The following ABHD17C variants were observed in gnomAD, a reference collection of about 807,000 sequenced individuals.
The protein encoded by ABHD17C is abhydrolase domain containing 17C, depalmitoylase, also known as alpha/beta hydrolase domain-containing protein 17C.
A neutral mutation model predicts 27.9 loss-of-function variants in ABHD17C; 11 were observed. The ratio of observed to expected loss-of-function variants is 0.39; its 90% CI spans 0.25 to 0.65. The LOEUF is 0.65. Ranked by LOEUF, ABHD17C falls within the 30% of genes least tolerant of loss-of-function variation. The pLI is 0.45. For synonymous variants in ABHD17C, 233 were observed against 209.1 expected (o/e 1.11, Z -0.98); for missense variants, 280 against 470.2 (o/e 0.60, Z 3.74).
rs148826057 is a variant in ABHD17C, at chr15:80,739,174, C to T, written c.591-10339C>T. On this transcript the variant is annotated intron_variant, in intron 1 of 2. Transcript: ENST00000258884. ...TCAACAGCAGATATTTATTAAGCAC[C>T]TTTTGCTGATGCAGAAAATACTTTG... 4.6e-3 allele frequency among the ~76,000 whole-genome samples: 698 copies of T among 152,254 alleles called. 3 individuals are homozygous for T. The highest frequency in any genetic ancestry group is 6.4e-3 in the Non-Finnish European group (434 of 68,014).
intron 1 of ABHD17C, among the ~76,000 whole-genome samples, chr15:80,722,752 T>C (rs560271473): frequency 7.0e-4 from 107 of 152,342 alleles, no homozygotes; most frequent in Non-Finnish European, 1.4e-3. Flanking sequence ...GCAACCACCA[T>C]TCTACTCTGT....
chr15:80,735,185 T>C (rs192486544), intron 1 of ABHD17C, among the ~76,000 whole-genome samples: 1 of 152,346 alleles, frequency 6.6e-6, no homozygotes, highest in Non-Finnish European at 1.5e-5. Flanking sequence ...TTTTTCTTTG[T>C]AATTAACCCT....
At chr15:80,721,746 C>T (rs566614602) in intron 1 of ABHD17C, among the ~76,000 whole-genome samples, 50 of 152,248 alleles carry the variant, frequency 3.3e-4, no homozygotes, top group Middle Eastern at 6.8e-3. Flanking sequence ...GTATTCCTTG[C>T]CAGGCCTCTC....
chr15:80,749,121 A>G (rs1317768153), intron 1 of ABHD17C, among the ~76,000 whole-genome samples: 1 of 152,174 alleles, frequency 6.6e-6, no homozygotes, highest in Non-Finnish European at 1.5e-5. Context: ...GCAATTTGCC[A>G]AACTTGCTTT....
intron 1 of ABHD17C, among the ~76,000 whole-genome samples, chr15:80,731,092 G>A (rs1049295298): frequency 6.6e-5 from 10 of 152,196 alleles, no homozygotes; most frequent in Admixed American, 6.5e-5. Context: ...TACAGTCCCC[G>A]TCGTCTGTGT....
Position 80,749,520 on chromosome 15 carries a change from G to A in ABHD17C, c.598G>A (p.Val200Met), listed in dbSNP as rs374695794. 1.8e-5 allele frequency: 29 copies of A among 1,613,532 alleles called. No individual in the cohort carries two copies. The highest frequency in any genetic ancestry group is 2.3e-5 in the Non-Finnish European group (27 of 1,179,734). Reference protein sequence around the residue: ...AWQALRTRYGVSPENIILYGQ... With the variant: ...AWQALRTRYGMSPENIILYGQ... ...AACCTCTGATTTCTCCAGGTATGGC[G>A]TGAGTCCCGAGAACATTATCCTCTA... is the stretch of plus-strand genomic sequence containing the variant. Residue 200 changes from valine to methionine, a missense_variant, in exon 2 of 3, where the codon GTG becomes ATG. Val to Met is a conservative substitution (Grantham distance 21). Coordinates refer to ENST00000258884, the MANE Select transcript of ABHD17C (RefSeq NM_021214.2).
intron 1 of ABHD17C, among the ~76,000 whole-genome samples, chr15:80,696,341 G>A (rs1173239628): frequency 2.6e-5 from 4 of 152,218 alleles, no homozygotes; most frequent in African/African-American, 9.6e-5. Flanking sequence ...CAGAGTGTGG[G>A]TGCTTAAGTA....
chr15:80,736,213 T>G (rs11638968), intron 1 of ABHD17C, among the ~76,000 whole-genome samples: 15,671 of 152,314 alleles, frequency 0.1, 1,524 homozygotes, highest in East Asian at 0.57. Context: ...TAGAAGTCTG[T>G]TTGTGAAATT....
At chr15:80,749,394 T>C (rs1217089031) in intron 1 of ABHD17C, 119 bp from the exon 2 acceptor site, 1 of 1,000,698 alleles carries the variant, frequency 1.0e-6, no homozygotes, top group African/African-American at 1.6e-5. Flanking sequence ...ACAAGTTAGA[T>C]GATATGGTTT....
intron 1 of ABHD17C, among the ~76,000 whole-genome samples, chr15:80,729,931 A>G (rs1895035008): frequency 6.7e-6 from 1 of 149,942 alleles, no homozygotes; most frequent in Admixed American, 6.6e-5. Flanking sequence ...GGGGGCCAAC[A>G]TGGTGAAACT....
intron 1 of ABHD17C, among the ~76,000 whole-genome samples, chr15:80,723,132 G>A (rs1287164473): frequency 9.7e-6 from 1 of 103,104 alleles, no homozygotes; most frequent in Non-Finnish European, 2.0e-5. Context: ...TTGTGTGTGT[G>A]TATATATGTG....
At chr15:80,705,284 A>G (rs1374569939) in intron 1 of ABHD17C, among the ~76,000 whole-genome samples, 2 of 148,154 alleles carry the variant, frequency 1.3e-5, no homozygotes, top group African/African-American at 2.5e-5. Flanking sequence ...GGTTGTCTCA[A>G]GGGTAACCTG....
At chr15:80,749,375 C>A in intron 1 of ABHD17C, 138 bp from the exon 2 acceptor site, 1 of 818,506 alleles carries the variant, frequency 1.2e-6, no homozygotes, top group Non-Finnish European at 1.8e-6. Context: ...TCATCTTAAA[C>A]TAAAGTGTAC....
chr15:80,718,342 TA>T (rs1260912811), intron 1 of ABHD17C, among the ~76,000 whole-genome samples: 2 of 152,142 alleles, frequency 1.3e-5, no homozygotes, highest in East Asian at 3.8e-4. Context: ...TTTATTTATT[TA>T]TTTTTTTGAA....
At position 80,695,837 on chromosome 15, in the gene ABHD17C, C is replaced by T. The variant is rs1596055874; in HGVS notation, c.408C>T (p.Leu136=). 1.9e-6 allele frequency: 3 copies of T among 1,589,618 alleles called. No homozygotes were observed. Among genetic ancestry groups the T allele is most frequent in the East Asian group, 2.3e-5 (1 of 44,416 alleles). The part of the protein sequence containing the change: ...RCAPSSRYTL[L]FSHGNAVDLG... Reference sequence around the variant, plus strand: ...CGCCCTCCAGCCGCTACACGCTGCTCTTCTCGCACGGCAACGCCGTGGACC... The same window carrying T: ...CGCCCTCCAGCCGCTACACGCTGCTTTTCTCGCACGGCAACGCCGTGGACC... Residue 136 remains leucine, a synonymous_variant, in exon 1 of 3, where the codon CTC becomes CTT. Transcript: ENST00000258884. This position sits in a 1 kb window ranked among gnomAD's most constrained non-coding sequence, Gnocchi z 4.3.
rs183450829 is a variant in ABHD17C, at chr15:80,754,561, C to T, written c.*191C>T. ...GGTGGTTCTGCTAATTCACACAACACGTTAAACTGAACAGTCGTGATTCCC... is the reference window on the plus strand; with the variant it reads ...GGTGGTTCTGCTAATTCACACAACATGTTAAACTGAACAGTCGTGATTCCC... On this transcript the variant is annotated 3_prime_UTR_variant, in exon 3 of 3. Coordinates refer to ENST00000258884, the MANE Select transcript of ABHD17C (RefSeq NM_021214.2). 7 of 578,274 alleles carry T rather than the reference C, an allele frequency of 1.2e-5. No homozygotes were observed. The highest frequency in any genetic ancestry group is 3.7e-5 in the African/African-American group (2 of 53,548). 35.8% of individuals were successfully genotyped at this position (578,274 alleles called of 1,614,324 possible).
chr15:80,698,601 C>A (rs139326211), intron 1 of ABHD17C, among the ~76,000 whole-genome samples: 79 of 152,312 alleles, frequency 5.2e-4, no homozygotes, highest in African/African-American at 1.9e-3. Flanking sequence ...CTTGGTTATT[C>A]TGCTGACATA....
intron 1 of ABHD17C, among the ~76,000 whole-genome samples, chr15:80,726,055 A>G (rs138107156): frequency 6.6e-6 from 1 of 152,256 alleles, no homozygotes; most frequent in Admixed American, 6.5e-5. Context: ...TTCTATAGAT[A>G]TTAAGTTAAC....
At chr15:80,742,754 C>T (rs997162549) in intron 1 of ABHD17C, among the ~76,000 whole-genome samples, 7 of 151,990 alleles carry the variant, frequency 4.6e-5, no homozygotes, top group Non-Finnish European at 1.0e-4. Flanking sequence ...GGAAGATGAG[C>T]CAGTGAAGTA....
Sources: allele counts gnomAD v4.1 joint callset (sites outside exome capture counted in the v4.1 genomes callset), GRCh38; gene constraint gnomAD v4.1.1; non-coding constraint Gnocchi (gnomAD v3.1); transcripts MANE v1.5; gene names NCBI Gene and HGNC (gene_info 2026-07-23, HGNC 2026-07-21).